The following VPS13C variants were observed in gnomAD, a reference collection of about 807,000 sequenced individuals.
The protein encoded by VPS13C is intermembrane lipid transfer protein VPS13C.
VPS13C carries 358 observed loss-of-function variants against 456.8 expected under a neutral mutation model. That is an observed-to-expected ratio of 0.78 (90% CI 0.72 to 0.86). The LOEUF is 0.86. VPS13C is among the 40% of genes least tolerant of loss of function. The pLI, the probability that VPS13C is intolerant of heterozygous loss-of-function variation, is 0.00. For synonymous variants in VPS13C, 1,578 were observed against 1,486.7 expected (o/e 1.06, Z -1.41); for missense variants, 4,818 against 4,385.4 (o/e 1.10, Z -2.79).
chr15:61,930,954 A>T, intron 50 of VPS13C, 136 bp downstream of exon 50: 1 of 955,528 alleles, frequency 1.0e-6, no homozygotes. Context: ...ACTACTTCTT[A>T]ATGCAATTCA....
rs1347174980 is a variant in VPS13C at position 61,991,792 on chromosome 15, G to C, written c.1364C>G (p.Ser455Cys). The change falls in exon 17 of 85, where the codon TCT becomes TGT. Residue 455 changes from serine (S) to cysteine (C), a missense_variant. Around this residue, in one of 3 missense-constraint regions of VPS13C, gnomAD observed 4,552 missense variants for 4,130.6 expected, o/e 1.10. Coordinates refer to ENST00000644861, the MANE Select transcript of VPS13C (RefSeq NM_020821.3). ...RQQAQVEVIR[S>C]GQKLRKKSAD... The stretch of plus-strand genomic sequence containing the variant: ...AGACTTTTTCCTTAATTTTTGCCCA[G>C]ACCGAATCACCTGAAAAATAAAAAT... 6 of 1,608,346 alleles carry C rather than the reference G, an allele frequency of 3.7e-6. No individual in the cohort carries two copies. Among genetic ancestry groups the C allele is most frequent in the Non-Finnish European group, 5.1e-6 (6 of 1,177,572 alleles).
intron 15 of VPS13C, 98 bp downstream of exon 15, chr15:62,007,210 T>C (rs2046880950): frequency 7.1e-6 from 7 of 990,848 alleles, no homozygotes; most frequent in Non-Finnish European, 9.3e-6. Flanking sequence ...GTGAATTCTG[T>C]TCTTCCTAAA....
intron 66 of VPS13C, among the ~76,000 whole-genome samples, chr15:61,897,660 C>T (rs1333356435): frequency 1.3e-5 from 2 of 151,844 alleles, no homozygotes; most frequent in Non-Finnish European, 2.9e-5. Context: ...AGAATGGAAC[C>T]AAGTTGGAAA....
chr15:61,967,873 A>G (rs572491443), intron 28 of VPS13C, among the ~76,000 whole-genome samples: 2 of 151,998 alleles, frequency 1.3e-5, no homozygotes, highest in Non-Finnish European at 2.9e-5. Context: ...TGTCCTTTAT[A>G]TCCTGAGGTA....
intron 1 of VPS13C, among the ~76,000 whole-genome samples, chr15:62,059,193 T>A (rs1272243112): frequency 1.3e-5 from 2 of 152,216 alleles, no homozygotes; most frequent in African/African-American, 4.8e-5. Flanking sequence ...TTAGGAGTAA[T>A]GCTTATTCAA....
At position 61,920,323 on chromosome 15, in the gene VPS13C, T is replaced by C. The variant is rs2043612052; in HGVS notation, c.7221A>G (p.Ser2407=). Residue 2407 remains serine (S), a synonymous_variant, in exon 57 of 85, where the codon TCA becomes TCG. Coordinates refer to ENST00000644861, the MANE Select transcript of VPS13C (RefSeq NM_020821.3). ...AGTCAAAAGTAGAAGCAGTGCCCTC[T>C]GAAAAACCCTGAAAAGGAACATATC... ...NVFNNLAKGF[S]EGTASTFDYS... 3 of 1,591,410 alleles carry C rather than the reference T, an allele frequency of 1.9e-6. No homozygotes were observed. The highest frequency in any genetic ancestry group is 2.6e-6 in the Non-Finnish European group (3 of 1,165,732).
chr15:61,860,080 T>C (rs896562745), intron 82 of VPS13C, among the ~76,000 whole-genome samples: 4 of 152,118 alleles, frequency 2.6e-5, no homozygotes, highest in African/African-American at 7.2e-5. Context: ...ATGTCAATAA[T>C]ACATTTGACA....
intron 18 of VPS13C, 131 bp from the exon 19 acceptor site, chr15:61,985,130 C>T (rs2140399568): frequency 1.6e-6 from 1 of 628,832 alleles, no homozygotes; most frequent in Non-Finnish European, 2.4e-6. Context: ...CTGGCATCCA[C>T]ATGCTCACCA....
chr15:62,024,948 T>C (rs1202683564), intron 6 of VPS13C, among the ~76,000 whole-genome samples: 1 of 152,126 alleles, frequency 6.6e-6, no homozygotes, highest in Non-Finnish European at 1.5e-5. Context: ...CCAGCACTAC[T>C]GCCTGTGTGA....
intron 32 of VPS13C, 69 bp downstream of exon 32, chr15:61,963,766 A>C: frequency 8.8e-7 from 1 of 1,138,118 alleles, no homozygotes; most frequent in Non-Finnish European, 1.3e-6. Flanking sequence ...ATTCTTTAGC[A>C]TTGCAAAGAG....
At chr15:61,974,740 A>G (rs1404938516) in intron 24 of VPS13C, among the ~76,000 whole-genome samples, 1 of 152,174 alleles carries the variant, frequency 6.6e-6, no homozygotes, top group Non-Finnish European at 1.5e-5. Context: ...TATTATAAAC[A>G]TCAAAGAGTA....
chr15:62,004,114 C>T (rs2046739380), intron 15 of VPS13C, among the ~76,000 whole-genome samples: 2 of 151,848 alleles, frequency 1.3e-5, no homozygotes, highest in South Asian at 2.1e-4. Context: ...CCTCCTTGTA[C>T]CTCTGGTAGA....
At position 61,920,167 on chromosome 15, in the gene VPS13C, G is replaced by T. The variant is rs1434374575; in HGVS notation, c.7377C>A (p.Gly2459=). 6.2e-7 allele frequency: 1 copy of T among 1,613,520 alleles called. No individual in the cohort carries two copies. The highest frequency in any genetic ancestry group is 1.7e-5 in the Admixed American group (1 of 59,976). The change falls in exon 57 of 85, where the codon GGC becomes GGA. Residue 2459 remains glycine (G), a synonymous_variant. Coordinates refer to ENST00000644861, the MANE Select transcript of VPS13C (RefSeq NM_020821.3). The stretch of plus-strand genomic sequence containing the variant: ...TGGCATACTCCAGTTCCAAATTCTG[G>T]CCAGCATCAACATCAAAAATATCAC... The part of the protein sequence containing the change: ...EKSDIFDVDA[G]QNLELEYASM...
intron 67 of VPS13C, among the ~76,000 whole-genome samples, chr15:61,884,761 A>C (rs969115500): frequency 6.6e-6 from 1 of 152,144 alleles, no homozygotes; most frequent in Non-Finnish European, 1.5e-5. Context: ...GTAAATGTTC[A>C]TCTATTAATG....
At position 61,908,827 on chromosome 15, in the gene VPS13C, TAC is replaced by T. The variant is rs1025811194; in HGVS notation, c.8978+163_8978+164del. 1.4e-4 allele frequency among the ~76,000 whole-genome samples: 22 copies of T among 152,354 alleles called. 1 individual carries two copies. Among genetic ancestry groups the T allele is most frequent in the Admixed American group, 1.4e-3 (22 of 15,308 alleles). ...TTTGCTGCAGAAATATTAATGTGTT[TAC>T]AGAGTGTTATCTCAAAACATGTAAG... is the stretch of plus-strand genomic sequence containing the variant. On this transcript the variant is annotated intron_variant, in intron 65 of 84. Transcript: ENST00000644861.
At chr15:61,966,250 TA>T (rs2045372816) in intron 29 of VPS13C, 108 bp from the exon 30 acceptor site, 1 of 600,148 alleles carries the variant, frequency 1.7e-6, no homozygotes. Flanking sequence ...GTATTTTATA[TA>T]CACTGTATAT....
intron 47 of VPS13C, among the ~76,000 whole-genome samples, chr15:61,937,741 T>G (rs1327714246): frequency 6.6e-6 from 1 of 152,218 alleles, no homozygotes; most frequent in Non-Finnish European, 1.5e-5. Context: ...CCCAAAGTGC[T>G]GGGATTACAG....
Position 61,867,751 on chromosome 15 carries a change from A to G in VPS13C, c.10863+908T>C. The G allele has an allele frequency of 2.7e-6, 4 of 1,471,594 alleles. No individual in the cohort carries two copies. The highest frequency in any genetic ancestry group is 3.6e-6 in the Non-Finnish European group (4 of 1,114,990). 91.2% of individuals were successfully genotyped at this position (1,471,594 alleles called of 1,614,324 possible). On this transcript the variant is annotated intron_variant, in intron 81 of 84. Coordinates refer to ENST00000644861, the MANE Select transcript of VPS13C (RefSeq NM_020821.3). This position sits in a 1 kb window ranked among gnomAD's most constrained non-coding sequence, Gnocchi z 5.0. ...TTATTTCTGGACAGTATTACCAGGAATACCACAAGTTTTTATTTGTAGTCA... is the reference window on the plus strand; with the variant it reads ...TTATTTCTGGACAGTATTACCAGGAGTACCACAAGTTTTTATTTGTAGTCA...
intron 37 of VPS13C, among the ~76,000 whole-genome samples, chr15:61,956,951 T>C (rs559677290): frequency 1.3e-3 from 202 of 152,152 alleles, no homozygotes; most frequent in African/African-American, 4.1e-3. Context: ...ATTCTACTCC[T>C]ACCTATGTAT....
Sources: allele counts gnomAD v4.1 joint callset (sites outside exome capture counted in the v4.1 genomes callset), GRCh38; gene constraint gnomAD v4.1.1; regional missense constraint gnomAD v4.1.1; non-coding constraint Gnocchi (gnomAD v3.1); transcripts MANE v1.5; gene names NCBI Gene and HGNC (gene_info 2026-07-23, HGNC 2026-07-21).